The following PCDHGB6 variants were observed in gnomAD, a reference collection of about 807,000 sequenced individuals.
The protein encoded by PCDHGB6 is protocadherin gamma-B6.
PCDHGB6 carries 51 observed loss-of-function variants against 59.1 expected under a neutral mutation model. The ratio of observed to expected loss-of-function variants is 0.86; its 90% CI spans 0.69 to 1.09. PCDHGB6 has a LOEUF of 1.09. Ranked by LOEUF, PCDHGB6 falls within the 50% of genes least tolerant of loss-of-function variation. PCDHGB6 has a pLI of 0.00. For missense variants in PCDHGB6, 1,148 were observed against 1,205.1 expected (o/e 0.95, Z 0.70); for synonymous variants, 466 against 495.1 (o/e 0.94, Z 0.78).
intron 1 of PCDHGB6, chr5:141,421,405 C>T (rs2096570069): frequency 6.2e-7 from 1 of 1,614,074 alleles, no homozygotes; most frequent in African/African-American, 1.3e-5. Context: ...GCCCCGGGAG[C>T]TGGCGAAGCG....
intron 3 of PCDHGB6, among the ~76,000 whole-genome samples, chr5:141,507,582 T>G (rs1221383898): frequency 6.6e-6 from 1 of 152,264 alleles, no homozygotes; most frequent in Non-Finnish European, 1.5e-5. Flanking sequence ...AGATGCCAAG[T>G]TGGCCTCTTG....
At position 141,477,896 on chromosome 5, in the gene PCDHGB6, G is replaced by A. The variant is rs1444527086; in HGVS notation, c.2419-16911G>A. 2 of 1,614,174 alleles carry A rather than the reference G, an allele frequency of 1.2e-6. No individual in the cohort carries two copies. Among genetic ancestry groups the A allele is most frequent in the Non-Finnish European group, 1.7e-6 (2 of 1,180,038 alleles). ...AGCTGGCCACCTAGTGTCACGGGTG[G>A]TAGGCTGGGACGCGGATGCAGGGCA... On this transcript the variant is annotated intron_variant, in intron 1 of 3. Coordinates refer to ENST00000520790, the MANE Select transcript of PCDHGB6 (RefSeq NM_018926.3). The surrounding 1 kb of genome is among the most constrained non-coding windows in gnomAD (Gnocchi z 4.9).
chr5:141,444,001 C>G (rs2098413288), intron 1 of PCDHGB6, among the ~76,000 whole-genome samples: 1 of 151,914 alleles, frequency 6.6e-6, no homozygotes, highest in Non-Finnish European at 1.5e-5. Flanking sequence ...TTAAATGCTA[C>G]CTGGGTATTG....
At chr5:141,411,489 T>C (rs1229059443) in intron 1 of PCDHGB6, 1 of 152,090 alleles carries the variant, frequency 6.6e-6, no homozygotes, top group Non-Finnish European at 1.5e-5. Context: ...GAGGCTGAGC[T>C]GGGTGGATTG....
In PCDHGB6 at chr5:141,433,172, G is replaced by C. The variant is rs147848043; in HGVS notation, c.2418+22552G>C. 533 of 1,610,720 alleles carry C rather than the reference G, an allele frequency of 3.3e-4. 5 individuals carry two copies. In the South Asian group the frequency reaches 5.0e-3, roughly 15 times the overall value. On this transcript the variant is annotated intron_variant, in intron 1 of 3. Transcript: ENST00000520790. ...TTCGGTATTTTCTAAAGACAGTCAT[G>C]GGTTAATTGAGGTGAGTTTATATCA...
chr5:141,439,556 C>A (rs543620281), intron 1 of PCDHGB6, among the ~76,000 whole-genome samples: 1 of 152,268 alleles, frequency 6.6e-6, no homozygotes, highest in East Asian at 1.9e-4. Context: ...CTTCAGGCTG[C>A]AGTTCTAGAG....
At chr5:141,414,481 C>T (rs1011579090) in intron 1 of PCDHGB6, 2 of 1,613,948 alleles carry the variant, frequency 1.2e-6, no homozygotes, top group Non-Finnish European at 1.7e-6. Context: ...AAGTCCTCCT[C>T]TATCAACGGA....
intron 1 of PCDHGB6, chr5:141,430,984 C>A (rs765063685): frequency 6.2e-7 from 1 of 1,613,648 alleles, no homozygotes; most frequent in South Asian, 1.1e-5. Flanking sequence ...CGCAGCTTTT[C>A]GCCCTGAATC....
rs1164046040 is a variant in PCDHGB6, at chr5:141,476,557, C to A, written c.2419-18250C>A. ...AAATGAAATTGGAGATTAGCGAGGC[C>A]GTGGCTCCGGGGACGCGCTTTCCGC... is the stretch of plus-strand genomic sequence containing the variant. On this transcript the variant is annotated intron_variant, in intron 1 of 3. Transcript: ENST00000520790. This position sits in a 1 kb window ranked among gnomAD's most constrained non-coding sequence, Gnocchi z 7.6. The A allele has an allele frequency of 2.5e-6, 4 of 1,614,222 alleles. No individual in the cohort carries two copies. Among genetic ancestry groups the A allele is most frequent in the Admixed American group, 3.3e-5 (2 of 60,032 alleles).
chr5:141,477,169 G>A lies in PCDHGB6; in HGVS notation c.2419-17638G>A. 6.2e-7 allele frequency: 1 copy of A among 1,614,198 alleles called. No individual in the cohort carries two copies. The highest frequency in any genetic ancestry group is 8.5e-7 in the Non-Finnish European group (1 of 1,180,042). The stretch of plus-strand genomic sequence containing the variant: ...TGGATGTGAATGACAACGCCCCGGA[G>A]ATCACAGTCACCTCCGTGTACAGCC... On this transcript the variant is annotated intron_variant, in intron 1 of 3. Transcript: ENST00000520790. The surrounding 1 kb of genome is among the most constrained non-coding windows in gnomAD (Gnocchi z 4.9).
intron 1 of PCDHGB6, chr5:141,421,690 C>T: frequency 6.2e-7 from 1 of 1,613,948 alleles, no homozygotes. Context: ...GCGATTTGCT[C>T]TTCCTAATGC....
At chr5:141,455,389 G>C (rs1190144149) in intron 1 of PCDHGB6, among the ~76,000 whole-genome samples, 1 of 152,114 alleles carries the variant, frequency 6.6e-6, no homozygotes, top group Non-Finnish European at 1.5e-5. Flanking sequence ...GAAGGAAGGA[G>C]CTCCCCCTTA....
chr5:141,423,082 G>A (rs1390567548), intron 1 of PCDHGB6: 3 of 1,614,078 alleles, frequency 1.9e-6, no homozygotes, highest in Admixed American at 1.7e-5. Flanking sequence ...GGGACTCTTC[G>A]CGGTGGGGGA....
intron 1 of PCDHGB6, chr5:141,413,750 G>T (rs1325273363): frequency 6.2e-7 from 1 of 1,612,538 alleles, no homozygotes; most frequent in African/African-American, 1.3e-5. Flanking sequence ...CGTGCCAATG[G>T]CGTCAAGTAC....
intron 1 of PCDHGB6, among the ~76,000 whole-genome samples, chr5:141,452,276 C>A (rs1160292593): frequency 2.6e-5 from 4 of 152,172 alleles, no homozygotes; most frequent in Admixed American, 6.5e-5. Flanking sequence ...TGAACCCTTT[C>A]TTACTTTCTG....
Position 141,409,617 on chromosome 5 carries a change from C to A in PCDHGB6, c.1415C>A (p.Ala472Glu), listed in dbSNP as rs2095293168. The A allele has an allele frequency of 6.2e-7, 1 of 1,613,748 alleles. No individual in the cohort carries two copies. Among genetic ancestry groups the A allele is most frequent in the South Asian group, 1.1e-5 (1 of 91,094 alleles). ...AENNPPGASI[A>E]QVSASDPDLG... ...AACAACCCGCCAGGAGCCTCCATTG[C>A]GCAAGTGAGCGCCTCTGACCCGGAT... Residue 472 changes from alanine (A) to glutamate (E), a missense_variant, in exon 1 of 4, where the codon GCG (alanine) becomes GAG (glutamate). Ala to Glu is a moderately radical substitution (Grantham distance 107). Around this residue, in one of 5 missense-constraint regions of PCDHGB6, gnomAD observed 549 missense variants for 527.5 expected, o/e 1.04. Transcript: ENST00000520790.
intron 1 of PCDHGB6, chr5:141,423,815 C>G (rs1002418139): frequency 7.9e-7 from 1 of 1,271,358 alleles, no homozygotes; most frequent in African/African-American, 1.6e-5. Context: ...GTGAGTTTTA[C>G]TTTGCCTTTC....
chr5:141,450,470 A>AGTTT (rs199699353), intron 1 of PCDHGB6, among the ~76,000 whole-genome samples: 2,037 of 151,800 alleles, frequency 0.013, 39 homozygotes, highest in African/African-American at 0.044. Flanking sequence ...TTATATATAG[A>AGTTT]GTTTGTTTGT....
chr5:141,420,188 A>G (rs775537913), intron 1 of PCDHGB6: 1 of 1,613,848 alleles, frequency 6.2e-7, no homozygotes, highest in South Asian at 1.1e-5. Context: ...TTGTCCAGCC[A>G]CACAAGATAA....
Sources: allele counts gnomAD v4.1 joint callset (sites outside exome capture counted in the v4.1 genomes callset), GRCh38; gene constraint gnomAD v4.1.1; regional missense constraint gnomAD v4.1.1; non-coding constraint Gnocchi (gnomAD v3.1); transcripts MANE v1.5; gene names NCBI Gene and HGNC (gene_info 2026-07-23, HGNC 2026-07-21).